PCNX1: variants seen among roughly 807,000 people sequenced by gnomAD.
The protein encoded by PCNX1 is pecanex 1.
In PCNX1, 78 loss-of-function variants were observed where a neutral mutation model predicts 242.2. The ratio of observed to expected loss-of-function variants is 0.32; its 90% confidence interval spans 0.27 to 0.39. The LOEUF (loss-of-function observed/expected upper bound fraction) is 0.39, where lower values mean the gene tolerates loss of function less well. PCNX1 is among the 10% of genes least tolerant of loss of function. PCNX1 has a pLI of 1.00. For synonymous variants in PCNX1, 1,024 were observed against 1,032.9 expected (o/e 0.99, Z 0.17); for missense variants, 2,581 against 2,856.5 (o/e 0.90, Z 2.20).
intron 19 of PCNX1, among the ~76,000 whole-genome samples, 194 bp from the exon 20 acceptor site, chr14:71,044,939 T>C (rs562697577): frequency 6.6e-6 from 1 of 152,356 alleles, no homozygotes; most frequent in African/African-American, 2.4e-5. Flanking sequence ...GATGTATGAA[T>C]AGTCACTAAC....
intron 1 of PCNX1, among the ~76,000 whole-genome samples, chr14:70,929,714 A>G (rs1482116995): frequency 2.0e-5 from 3 of 152,220 alleles, no homozygotes; most frequent in African/African-American, 7.2e-5. Context: ...CATCATACAG[A>G]AAGTGTTAGA....
At chr14:71,078,329 C>G (rs2061768500) in intron 28 of PCNX1, among the ~76,000 whole-genome samples, 1 of 152,200 alleles carries the variant, frequency 6.6e-6, no homozygotes, top group South Asian at 2.1e-4. Flanking sequence ...GCCAGACTTG[C>G]TGACTCCAAA....
chr14:70,944,818 C>T (rs2057394349), intron 1 of PCNX1, among the ~76,000 whole-genome samples: 1 of 152,172 alleles, frequency 6.6e-6, no homozygotes, highest in African/African-American at 2.4e-5. Flanking sequence ...TCAGTGAGTT[C>T]TCATGAGAAC....
chr14:70,987,512 G>A (rs1488668649), intron 6 of PCNX1, among the ~76,000 whole-genome samples: 1 of 152,172 alleles, frequency 6.6e-6, no homozygotes, highest in Non-Finnish European at 1.5e-5. Flanking sequence ...TACCCCACAA[G>A]TAAAGGAATT....
Position 71,055,582 on chromosome 14 carries a change from C to T in PCNX1, c.4636+20C>T. 1 of 1,513,092 alleles carries T rather than the reference C, an allele frequency of 6.6e-7. No individual in the cohort carries two copies. The highest frequency in any genetic ancestry group is 9.2e-7 in the Non-Finnish European group (1 of 1,091,802). 93.7% of individuals were successfully genotyped at this position (1,513,092 alleles called of 1,614,324 possible). On this transcript the variant is annotated intron_variant, in intron 25 of 35. Transcript: ENST00000304743. ...ATCCAGGTAATAGCTCTATTTGTGA[C>T]TAAGGAGGCAAGACTAAGGATTTGT...
intron 7 of PCNX1, among the ~76,000 whole-genome samples, chr14:70,990,064 A>G (rs1468857184): frequency 6.6e-6 from 1 of 152,196 alleles, no homozygotes; most frequent in Non-Finnish European, 1.5e-5. Context: ...TCTCAAAACA[A>G]GCAAAATCCT....
intron 7 of PCNX1, among the ~76,000 whole-genome samples, chr14:70,994,167 T>C (rs1297528601): frequency 6.6e-6 from 1 of 151,954 alleles, no homozygotes. Flanking sequence ...CCTGGGATGA[T>C]GGAAATATTC....
At chr14:71,040,268 G>A (rs1217766930) in intron 19 of PCNX1, among the ~76,000 whole-genome samples, 1 of 152,076 alleles carries the variant, frequency 6.6e-6, no homozygotes, top group African/African-American at 2.4e-5. Context: ...TAGGATGACA[G>A]GTTTTTTCTC....
intron 28 of PCNX1, among the ~76,000 whole-genome samples, chr14:71,085,304 A>G (rs2061957632): frequency 6.6e-6 from 1 of 152,136 alleles, no homozygotes. Context: ...CTTGCCAGCC[A>G]CCTGTTTCTT....
chr14:71,040,518 C>T (rs2060672750), intron 19 of PCNX1, among the ~76,000 whole-genome samples: 3 of 151,950 alleles, frequency 2.0e-5, no homozygotes, highest in African/African-American at 7.3e-5. Flanking sequence ...GCCATTATTC[C>T]TCTAAACGTT....
chr14:71,019,077 T>C lies in PCNX1; in HGVS notation c.3065T>C (p.Ile1022Thr), dbSNP rs1274524131. ...ATTCTCGTGGCCTTTTTGGGATCTA[T>C]TCTTCTCATACAAGGATTCTTCAGA... ...LAILVAFLGSILLIQGFFRDI... is the reference protein window; with the variant it reads ...LAILVAFLGSTLLIQGFFRDI... The change falls in exon 12 of 36, where the codon ATT becomes ACT. Residue 1022 changes from isoleucine (I) to threonine (T), a missense_variant. Around this residue, in one of 9 missense-constraint regions of PCNX1, gnomAD observed 55 missense variants for 49.8 expected, o/e 1.10. Coordinates refer to ENST00000304743, the MANE Select transcript of PCNX1 (RefSeq NM_014982.3). 6.2e-7 allele frequency: 1 copy of C among 1,613,630 alleles called. No individual in the cohort carries two copies. Among genetic ancestry groups the C allele is most frequent in the Admixed American group, 1.7e-5 (1 of 59,974 alleles).
At chr14:71,045,976 T>TA (rs1215268757) in intron 20 of PCNX1, among the ~76,000 whole-genome samples, 2 of 152,138 alleles carry the variant, frequency 1.3e-5, no homozygotes, top group African/African-American at 4.8e-5. Flanking sequence ...AGAGAAATAA[T>TA]AAATGTTCAT....
At chr14:70,994,739 A>G (rs2059297422) in intron 7 of PCNX1, among the ~76,000 whole-genome samples, 1 of 151,934 alleles carries the variant, frequency 6.6e-6, no homozygotes. Flanking sequence ...TTTTTTCATG[A>G]GTTTTGTCAG....
chr14:71,001,241 C>T (rs2059498278), intron 8 of PCNX1, among the ~76,000 whole-genome samples: 1 of 152,088 alleles, frequency 6.6e-6, no homozygotes, highest in Non-Finnish European at 1.5e-5. Flanking sequence ...ATTACATAAG[C>T]TTTAGTGTAC....
rs190767047 is a variant in PCNX1, at chr14:70,932,580, T to C, written c.154-14335T>C. 1.5e-3 allele frequency among the ~76,000 whole-genome samples: 224 copies of C among 151,784 alleles called. 3 individuals are homozygous for C. The East Asian group carries it at 0.04, about 27-fold the overall frequency. On this transcript the variant is annotated intron_variant, in intron 1 of 35. Coordinates refer to ENST00000304743, the MANE Select transcript of PCNX1 (RefSeq NM_014982.3). Reference sequence around the variant, plus strand: ...AGTGACATGTCTATTGAAGTTTTTATTTTTATTTATCTAATTTTATTTATT... The same window carrying C: ...AGTGACATGTCTATTGAAGTTTTTACTTTTATTTATCTAATTTTATTTATT...
chr14:70,956,136 A>G (rs1331645898), intron 2 of PCNX1, among the ~76,000 whole-genome samples: 4 of 152,154 alleles, frequency 2.6e-5, no homozygotes, highest in Admixed American at 6.5e-5. Context: ...TTTGCCCCCA[A>G]AATGTCAATA....
In PCNX1 at chr14:71,000,954, A is replaced by G. The variant is rs140654604; in HGVS notation, c.2629+5029A>G. ...ATCTTTGCTCTACCAGTTATTAACT[A>G]TGCGATCTTGGGAAAGTTATTGTCT... On this transcript the variant is annotated intron_variant, in intron 8 of 35. Transcript: ENST00000304743. Among the ~76,000 whole-genome samples the G allele has an allele frequency of 2.7e-4, 41 of 152,342 alleles. No individual in the cohort carries two copies. In the East Asian group the frequency reaches 2.7e-3, roughly 10 times the overall value.
intron 15 of PCNX1, 129 bp downstream of exon 15, chr14:71,027,011 A>G: frequency 2.0e-6 from 1 of 498,358 alleles, no homozygotes; most frequent in Non-Finnish European, 3.5e-6. Context: ...AAAAGACATT[A>G]AGTGATTGAA....
intron 26 of PCNX1, among the ~76,000 whole-genome samples, chr14:71,058,681 T>A (rs765553881): frequency 6.6e-6 from 1 of 152,224 alleles, no homozygotes; most frequent in Non-Finnish European, 1.5e-5. Flanking sequence ...ACCTTAGCTA[T>A]GTAGTGTCTA....
Sources: gnomAD v4.1 joint callset for allele counts (sites outside exome capture counted in the v4.1 genomes callset) on GRCh38, gnomAD v4.1.1 for gene constraint, gnomAD v4.1.1 regional missense constraint, MANE v1.5 for transcripts, NCBI Gene and HGNC (gene_info 2026-07-23, HGNC 2026-07-21) for gene names.